The following PDE3A variants were observed in gnomAD, a reference collection of about 807,000 sequenced individuals.
PDE3A encodes phosphodiesterase 3A.
A neutral mutation model predicts 98.3 loss-of-function variants in PDE3A; 43 were observed. That is an observed-to-expected ratio of 0.44 (90% confidence interval 0.34 to 0.56). The LOEUF (loss-of-function observed/expected upper bound fraction) is 0.56, where lower values mean the gene tolerates loss of function less well. Ranked by LOEUF, PDE3A falls within the 20% of genes least tolerant of loss-of-function variation. The pLI is 0.01. For synonymous variants in PDE3A, 663 were observed against 567.9 expected (o/e 1.17, Z -2.38); for missense variants, 1,427 against 1,440.7 (o/e 0.99, Z 0.15).
In PDE3A at chr12:20,665,543, G is replaced by A. The variant is rs114639282; in HGVS notation, c.3184+11338G>A. On this transcript the variant is annotated intron_variant, in intron 15 of 15. Transcript: ENST00000359062. ...CCAAGGCTCCCTCACAGACCCTATG[G>A]TCTAGAAGAGAAACTATTTGGAATA... Among the ~76,000 whole-genome samples the A allele has an allele frequency of 2.7e-3, 416 of 152,218 alleles. 3 individuals carry two copies. The highest frequency in any genetic ancestry group is 9.7e-3 in the African/African-American group (405 of 41,546).
chr12:20,651,191 C>G (rs1446005724), intron 14 of PDE3A, among the ~76,000 whole-genome samples: 1 of 152,042 alleles, frequency 6.6e-6, no homozygotes, highest in African/African-American at 2.4e-5. Flanking sequence ...TAAGAGTTAA[C>G]AGACTACTCA....
At chr12:20,403,604 T>C (rs1483216419) in intron 1 of PDE3A, among the ~76,000 whole-genome samples, 2 of 152,224 alleles carry the variant, frequency 1.3e-5, no homozygotes, top group African/African-American at 4.8e-5. Flanking sequence ...CTTGTTGGAA[T>C]TGCTTCTTAA....
At chr12:20,459,194 G>GA (rs879606710) in intron 1 of PDE3A, among the ~76,000 whole-genome samples, 9 of 152,138 alleles carry the variant, frequency 5.9e-5, no homozygotes, top group Non-Finnish European at 1.0e-4. Context: ...CAAAAGGAAA[G>GA]AATGGGTAGA....
In PDE3A at chr12:20,508,813, C is replaced by CAA. The variant is rs11372750; in HGVS notation, c.961-47837_961-47836dup. Among the ~76,000 whole-genome samples the CAA allele has an allele frequency of 3.6e-3, 519 of 146,168 alleles. 5 individuals are homozygous for CAA. Among genetic ancestry groups the CAA allele is most frequent in the Middle Eastern group, 0.014 (4 of 282 alleles). Reference sequence around the variant, plus strand: ...AAATAATTAACCAAGTAGTTGATACCAAAAAAAAAAATCTGGGTTTCTGGG... The same window carrying CAA: ...AAATAATTAACCAAGTAGTTGATACCAAAAAAAAAAAAATCTGGGTTTCTGGG... On this transcript the variant is annotated intron_variant, in intron 1 of 15. Coordinates refer to ENST00000359062, the MANE Select transcript of PDE3A (RefSeq NM_000921.5).
At chr12:20,645,751 A>G (rs1944761884) in intron 10 of PDE3A, among the ~76,000 whole-genome samples, 1 of 152,112 alleles carries the variant, frequency 6.6e-6, no homozygotes, top group Admixed American at 6.6e-5. Context: ...TGATGGCATT[A>G]TGACCAGATG....
intron 2 of PDE3A, among the ~76,000 whole-genome samples, chr12:20,606,795 T>A (rs1943720211): frequency 6.7e-6 from 1 of 149,806 alleles, no homozygotes; most frequent in Non-Finnish European, 1.5e-5. Context: ...GAGGTGGAGG[T>A]TGCAGTGAGC....
chr12:20,602,627 G>T (rs1309906935), intron 2 of PDE3A, among the ~76,000 whole-genome samples: 2 of 152,118 alleles, frequency 1.3e-5, no homozygotes, highest in Non-Finnish European at 2.9e-5. Flanking sequence ...CATGGAACCT[G>T]CCCACAGACA....
chr12:20,604,143 T>C (rs1943657944), intron 2 of PDE3A, among the ~76,000 whole-genome samples: 1 of 143,274 alleles, frequency 7.0e-6, no homozygotes, highest in Non-Finnish European at 1.5e-5. Flanking sequence ...CACTCCAGCC[T>C]GGGCCATAGA....
chr12:20,646,362 A>G, intron 10 of PDE3A, 128 bp from the exon 11 acceptor site: 2 of 615,054 alleles, frequency 3.3e-6, no homozygotes, highest in Non-Finnish European at 2.9e-6. Flanking sequence ...TTTGTCCTAG[A>G]AAGTTTGGCC....
At chr12:20,455,351 A>G (rs1222138767) in intron 1 of PDE3A, among the ~76,000 whole-genome samples, 1 of 152,062 alleles carries the variant, frequency 6.6e-6, no homozygotes, top group African/African-American at 2.4e-5. Context: ...CAGATGCTGG[A>G]TATTAGACCT....
chr12:20,521,341 G>T (rs962292672), intron 1 of PDE3A, among the ~76,000 whole-genome samples: 1 of 152,062 alleles, frequency 6.6e-6, no homozygotes, highest in Non-Finnish European at 1.5e-5. Flanking sequence ...AATAATAAGA[G>T]ATTTTTTTTA....
chr12:20,559,563 C>A (rs374475088), intron 2 of PDE3A, among the ~76,000 whole-genome samples: 1 of 150,880 alleles, frequency 6.6e-6, no homozygotes, highest in African/African-American at 2.4e-5. Context: ...CCCAGATACT[C>A]GGGAGGTTGA....
intron 9 of PDE3A, among the ~76,000 whole-genome samples, chr12:20,638,722 T>G (rs1048171392): frequency 3.3e-5 from 5 of 152,098 alleles, no homozygotes; most frequent in Non-Finnish European, 7.4e-5. Context: ...TCAGGAAGCA[T>G]TTTCTCTCTT....
chr12:20,638,406 A>T (rs555930195), intron 9 of PDE3A, among the ~76,000 whole-genome samples: 1 of 152,044 alleles, frequency 6.6e-6, no homozygotes, highest in East Asian at 1.9e-4. Flanking sequence ...CCTCTGCTAG[A>T]CTCTATTCTG....
intron 1 of PDE3A, among the ~76,000 whole-genome samples, chr12:20,399,553 C>T (rs1437245365): frequency 6.6e-6 from 1 of 152,100 alleles, no homozygotes; most frequent in African/African-American, 2.4e-5. Context: ...TATTGCTTGG[C>T]TTGTCTTTAC....
At chr12:20,471,824 T>C (rs888681464) in intron 1 of PDE3A, among the ~76,000 whole-genome samples, 4 of 152,166 alleles carry the variant, frequency 2.6e-5, no homozygotes, top group Admixed American at 6.5e-5. Flanking sequence ...CTGATTTTTT[T>C]CCCAAAATAT....
intron 2 of PDE3A, among the ~76,000 whole-genome samples, chr12:20,582,288 G>A (rs1478907425): frequency 6.6e-6 from 1 of 152,000 alleles, no homozygotes; most frequent in African/African-American, 2.4e-5. Flanking sequence ...CTGCCTCCAG[G>A]GTTCAAGTAT....
chr12:20,513,337 A>G (rs1358140916), intron 1 of PDE3A, among the ~76,000 whole-genome samples: 1 of 152,180 alleles, frequency 6.6e-6, no homozygotes, highest in Non-Finnish European at 1.5e-5. Context: ...ATTTGGTAAA[A>G]TATTGTCTAT....
chr12:20,391,350 A>T (rs906098972), intron 1 of PDE3A, among the ~76,000 whole-genome samples: 15 of 144,850 alleles, frequency 1.0e-4, no homozygotes, highest in Non-Finnish European at 2.0e-4. Flanking sequence ...GTATACATAT[A>T]TATAACATAT....
Sources: gnomAD v4.1 joint callset for allele counts (sites outside exome capture counted in the v4.1 genomes callset) on GRCh38, gnomAD v4.1.1 for gene constraint, MANE v1.5 for transcripts, NCBI Gene and HGNC (gene_info 2026-07-23, HGNC 2026-07-21) for gene names.